KCNH5: variants seen among roughly 807,000 people sequenced by gnomAD.
KCNH5 encodes voltage-gated delayed rectifier potassium channel KCNH5.
A neutral mutation model predicts 96.1 loss-of-function variants in KCNH5; 46 were observed. That is an observed-to-expected ratio of 0.48 (90% CI 0.38 to 0.61). KCNH5 has a LOEUF of 0.61. Among genes scored for constraint, KCNH5 ranks in the 20% least tolerant of loss-of-function variants. The probability of loss-of-function intolerance (pLI) is 0.00; values close to 1 mark genes in which losing one functional copy is unlikely to be tolerated. For missense variants in KCNH5, 907 were observed against 1,225.8 expected (o/e 0.74, Z 3.88); for synonymous variants, 439 against 449.8 (o/e 0.98, Z 0.30).
intron 10 of KCNH5, among the ~76,000 whole-genome samples, chr14:62,735,243 T>C (rs1448479582): frequency 2.0e-5 from 3 of 152,080 alleles, no homozygotes; most frequent in African/African-American, 4.8e-5. Context: ...ATGTTGATGA[T>C]ATAAGGGGGT....
intron 2 of KCNH5, 117 bp downstream of exon 2, chr14:63,016,714 A>C: frequency 1.0e-6 from 1 of 958,126 alleles, no homozygotes; most frequent in South Asian, 2.4e-5. Flanking sequence ...TAATATTCTA[A>C]CATAATTTTT....
At chr14:62,776,126 G>A (rs1886090130) in intron 10 of KCNH5, among the ~76,000 whole-genome samples, 1 of 152,118 alleles carries the variant, frequency 6.6e-6, no homozygotes, top group East Asian at 1.9e-4. Context: ...AATTAGCTGG[G>A]CGTGGTGGCA....
intron 6 of KCNH5, among the ~76,000 whole-genome samples, chr14:62,959,477 A>G (rs1890165637): frequency 6.6e-6 from 1 of 152,138 alleles, no homozygotes; most frequent in African/African-American, 2.4e-5. Flanking sequence ...GTTTCTTAGA[A>G]TTAGGACCAA....
intron 7 of KCNH5, among the ~76,000 whole-genome samples, chr14:62,854,302 G>A (rs1292003832): frequency 6.6e-6 from 1 of 152,038 alleles, no homozygotes; most frequent in Admixed American, 6.6e-5. Flanking sequence ...CATGGCAAGT[G>A]TTCAAATATT....
chr14:62,985,998 TCA>T (rs1030180206), intron 5 of KCNH5, among the ~76,000 whole-genome samples: 8 of 152,204 alleles, frequency 5.3e-5, no homozygotes, highest in African/African-American at 1.7e-4. Flanking sequence ...ACCCCTTGTT[TCA>T]CACACTATTC....
chr14:62,891,501 C>T (rs1407000793), intron 7 of KCNH5, among the ~76,000 whole-genome samples: 3 of 152,010 alleles, frequency 2.0e-5, no homozygotes, highest in East Asian at 1.9e-4. Context: ...AACAAACCCC[C>T]GTGACATGAG....
chr14:62,962,006 CAGATGG>C (rs1250965405), intron 6 of KCNH5, among the ~76,000 whole-genome samples: 3 of 145,740 alleles, frequency 2.1e-5, no homozygotes, highest in South Asian at 2.2e-4. Context: ...GATGGAGATG[CAGATGG>C]AGATGGAGAT....
chr14:62,759,280 T>C (rs1885694503), intron 10 of KCNH5, among the ~76,000 whole-genome samples: 1 of 152,166 alleles, frequency 6.6e-6, no homozygotes, highest in Non-Finnish European at 1.5e-5. Flanking sequence ...GATTGAATAG[T>C]CCCACTGTCT....
At chr14:62,929,289 T>C (rs920805598) in intron 7 of KCNH5, among the ~76,000 whole-genome samples, 18 of 152,080 alleles carry the variant, frequency 1.2e-4, no homozygotes, top group African/African-American at 3.6e-4. Context: ...GCCACCTCCA[T>C]TGTTACTATC....
chr14:62,793,035 A>G (rs1285972743), intron 9 of KCNH5, among the ~76,000 whole-genome samples: 1 of 151,784 alleles, frequency 6.6e-6, no homozygotes, highest in Non-Finnish European at 1.5e-5. Flanking sequence ...CAAACAAAAT[A>G]AGTCAGTTGC....
At chr14:62,909,856 T>C (rs1198772355) in intron 7 of KCNH5, among the ~76,000 whole-genome samples, 1 of 152,134 alleles carries the variant, frequency 6.6e-6, no homozygotes, top group Non-Finnish European at 1.5e-5. Flanking sequence ...CTGCTCCTTA[T>C]ATGCTTTGCT....
At chr14:62,709,800 G>T (rs1884531177) in intron 10 of KCNH5, among the ~76,000 whole-genome samples, 1 of 152,204 alleles carries the variant, frequency 6.6e-6, no homozygotes, top group Non-Finnish European at 1.5e-5. Flanking sequence ...ATAAGTGTGA[G>T]ATTTTTGCTC....
intron 5 of KCNH5, 29 bp downstream of exon 5, chr14:62,987,043 T>C (rs1447527853): frequency 6.7e-7 from 1 of 1,496,390 alleles, no homozygotes; most frequent in African/African-American, 1.4e-5. Context: ...CACCACCATC[T>C]TGGGAAGCAA....
rs904190209 is a variant in KCNH5, at chr14:62,951,726, C to T, written c.943-1167G>A. The stretch of plus-strand genomic sequence containing the variant: ...CTGTAATCCCAGAACTTTGGGAAGC[C>T]GAGGCAGGTGGATCACCTGAGGTCA... On this transcript the variant is annotated intron_variant, in intron 6 of 10. Coordinates refer to ENST00000322893, the MANE Select transcript of KCNH5 (RefSeq NM_139318.5). Among the ~76,000 whole-genome samples, 9 of 152,026 alleles carry T rather than the reference C, an allele frequency of 5.9e-5. No homozygotes were observed. In the South Asian group the frequency reaches 6.2e-4, roughly 11 times the overall value.
Position 62,700,090 on chromosome 14 carries a change from G to A in KCNH5, c.*7418C>T, listed in dbSNP as rs1033887682. 6.6e-6 allele frequency: 1 copy of A among 152,166 alleles called. No individual in the cohort carries two copies. Among genetic ancestry groups the A allele is most frequent in the African/African-American group, 2.4e-5 (1 of 41,440 alleles). 9.4% of individuals were successfully genotyped at this position (152,166 alleles called of 1,614,324 possible). ...AATTAATTCCCATAGTAACATTAGT[G>A]TTATAGTAGAATTTACATTGTAGTA... On this transcript the variant is annotated 3_prime_UTR_variant, in exon 11 of 11. Transcript: ENST00000322893.
intron 7 of KCNH5, 57 bp downstream of exon 7, chr14:62,950,076 G>A (rs1889969849): frequency 1.4e-6 from 2 of 1,469,756 alleles, no homozygotes; most frequent in Non-Finnish European, 9.5e-7. Flanking sequence ...ATCTGAGATT[G>A]TAGCCAGGAA....
chr14:62,938,462 C>A (rs112042326), intron 7 of KCNH5, among the ~76,000 whole-genome samples: 1 of 152,108 alleles, frequency 6.6e-6, no homozygotes, highest in Non-Finnish European at 1.5e-5. Flanking sequence ...AAATAAAATC[C>A]CCTCTCTGGC....
At chr14:62,739,053 C>T (rs953794953) in intron 10 of KCNH5, among the ~76,000 whole-genome samples, 1 of 152,060 alleles carries the variant, frequency 6.6e-6, no homozygotes, top group Non-Finnish European at 1.5e-5. Flanking sequence ...TCAAGAAGAA[C>T]TTAGATTTGT....
intron 7 of KCNH5, among the ~76,000 whole-genome samples, chr14:62,928,462 G>A (rs1178821821): frequency 1.3e-5 from 2 of 152,074 alleles, no homozygotes; most frequent in African/African-American, 4.8e-5. Context: ...CATTTACAAT[G>A]AGCCAGGCAT....
Sources: allele counts gnomAD v4.1 joint callset (sites outside exome capture counted in the v4.1 genomes callset), GRCh38; gene constraint gnomAD v4.1.1; transcripts MANE v1.5; gene names NCBI Gene and HGNC (gene_info 2026-07-23, HGNC 2026-07-21).